PRKCB: variants seen among roughly 807,000 people sequenced by gnomAD.
The protein encoded by PRKCB is protein kinase C beta type.
Under a neutral mutation model 81.5 loss-of-function variants are expected in PRKCB, and 13 were observed. The observed-to-expected ratio is 0.16, with a 90% confidence interval of 0.10 to 0.25. The LOEUF is 0.25. PRKCB is among the 10% of genes least tolerant of loss of function. PRKCB has a pLI of 1.00. For missense variants in PRKCB, 509 were observed against 875.7 expected (o/e 0.58, Z 5.29); for synonymous variants, 335 against 321.4 (o/e 1.04, Z -0.45).
intron 5 of PRKCB, among the ~76,000 whole-genome samples, chr16:24,047,019 A>G (rs1213946037): frequency 1.3e-5 from 2 of 151,898 alleles, no homozygotes; most frequent in African/African-American, 2.4e-5. Context: ...AGCCTCAGCA[A>G]CACAGTGAGA....
At chr16:23,969,346 G>A (rs577570445) in intron 2 of PRKCB, among the ~76,000 whole-genome samples, 1 of 152,252 alleles carries the variant, frequency 6.6e-6, no homozygotes, top group East Asian at 1.9e-4. Flanking sequence ...TGATCTTTCT[G>A]TTACTATAGA....
At chr16:24,207,891 T>C (rs1968071553) in intron 16 of PRKCB, among the ~76,000 whole-genome samples, 1 of 152,134 alleles carries the variant, frequency 6.6e-6, no homozygotes, top group Non-Finnish European at 1.5e-5. Context: ...TGGAGTCACC[T>C]CCAAGAGTTC....
chr16:24,031,236 C>T lies in PRKCB; in HGVS notation c.289-900C>T, dbSNP rs534421489. Reference sequence around the variant, plus strand: ...GTAAGGTTCTGTGAGAAATAGCTCCCAAAATATAGTGACTTAAACAAGGCA... The same window carrying T: ...GTAAGGTTCTGTGAGAAATAGCTCCTAAAATATAGTGACTTAAACAAGGCA... On this transcript the variant is annotated intron_variant, in intron 3 of 16. Transcript: ENST00000643927. Among the ~76,000 whole-genome samples, 4 of 152,262 alleles carry T rather than the reference C, an allele frequency of 2.6e-5. No homozygotes were observed. The East Asian group carries it at 7.7e-4, about 29-fold the overall frequency.
intron 3 of PRKCB, among the ~76,000 whole-genome samples, chr16:24,020,198 G>T (rs1965340246): frequency 6.6e-6 from 1 of 152,132 alleles, no homozygotes; most frequent in Non-Finnish European, 1.5e-5. Context: ...ATTTTAAATT[G>T]TCTACTTCAT....
At position 23,992,061 on chromosome 16, in the gene PRKCB, C is replaced by T. The variant is rs139915204; in HGVS notation, c.288+3471C>T. Reference sequence around the variant, plus strand: ...CTATAAAAAAGACCCCAGAGATATCCGTCACCCCTTCTACCATGTGAGGTT... The same window carrying T: ...CTATAAAAAAGACCCCAGAGATATCTGTCACCCCTTCTACCATGTGAGGTT... On this transcript the variant is annotated intron_variant, in intron 3 of 16. Coordinates refer to ENST00000643927, the MANE Select transcript of PRKCB (RefSeq NM_002738.7). Among the ~76,000 whole-genome samples, 521 of 152,286 alleles carry T rather than the reference C, an allele frequency of 3.4e-3. 3 individuals carry two copies. Among genetic ancestry groups the T allele is most frequent in the African/African-American group, 0.012 (496 of 41,548 alleles).
chr16:24,147,925 G>A (rs1209032024), intron 9 of PRKCB, among the ~76,000 whole-genome samples: 2 of 152,154 alleles, frequency 1.3e-5, no homozygotes, highest in African/African-American at 4.8e-5. Flanking sequence ...CTGTCCCAAC[G>A]TTGCCCTTTT....
intron 2 of PRKCB, among the ~76,000 whole-genome samples, chr16:23,909,112 T>A (rs1189999413): frequency 1.3e-5 from 2 of 152,238 alleles, no homozygotes; most frequent in Admixed American, 1.3e-4. Flanking sequence ...CTGATATCAC[T>A]TGCTCTTTTC....
intron 5 of PRKCB, among the ~76,000 whole-genome samples, chr16:24,066,470 A>G (rs936195265): frequency 1.3e-5 from 2 of 152,226 alleles, no homozygotes; most frequent in African/African-American, 4.8e-5. Context: ...TTTTAGATGT[A>G]CAGAAAAGTT....
intron 5 of PRKCB, among the ~76,000 whole-genome samples, chr16:24,083,494 C>A (rs915485123): frequency 6.6e-6 from 1 of 152,126 alleles, no homozygotes; most frequent in African/African-American, 2.4e-5. Context: ...TACTACTCTG[C>A]AATAAAAAAG....
At chr16:23,902,047 A>G (rs1963482787) in intron 2 of PRKCB, among the ~76,000 whole-genome samples, 1 of 152,008 alleles carries the variant, frequency 6.6e-6, no homozygotes, top group Non-Finnish European at 1.5e-5. Flanking sequence ...GTCTGTTGGA[A>G]TTTTTACCCC....
intron 7 of PRKCB, among the ~76,000 whole-genome samples, chr16:24,107,218 A>C (rs1000928671): frequency 3.9e-5 from 6 of 152,226 alleles, no homozygotes; most frequent in Non-Finnish European, 8.8e-5. Flanking sequence ...ATCTCACTGC[A>C]AATATGAATT....
chr16:24,115,980 C>A (rs977210477), intron 8 of PRKCB, among the ~76,000 whole-genome samples: 3 of 150,508 alleles, frequency 2.0e-5, no homozygotes, highest in African/African-American at 7.5e-5. Context: ...CTGCCTCGGC[C>A]TCCCAAGTGC....
intron 2 of PRKCB, among the ~76,000 whole-genome samples, chr16:23,945,057 C>G (rs1964186489): frequency 6.6e-6 from 1 of 152,042 alleles, no homozygotes. Flanking sequence ...GATCAAGAAG[C>G]ATGAAGGTAT....
chr16:23,894,612 G>T (rs1457757150), intron 2 of PRKCB, among the ~76,000 whole-genome samples: 1 of 152,214 alleles, frequency 6.6e-6, no homozygotes, highest in African/African-American at 2.4e-5. Context: ...TGTGTGCACA[G>T]GTGACACCAT....
At chr16:24,002,521 G>A (rs1965051695) in intron 3 of PRKCB, among the ~76,000 whole-genome samples, 1 of 151,946 alleles carries the variant, frequency 6.6e-6, no homozygotes, top group Admixed American at 6.6e-5. Context: ...TGTATTTTTT[G>A]TAGAGACGGG....
At chr16:23,882,827 A>G (rs1963145055) in intron 2 of PRKCB, among the ~76,000 whole-genome samples, 1 of 150,284 alleles carries the variant, frequency 6.7e-6, no homozygotes, top group Admixed American at 6.7e-5. Context: ...GGCCCAAGCA[A>G]TCCTCCTACC....
rs541379936 is a variant in PRKCB at position 23,928,804 on chromosome 16, C to T, written c.206-59704C>T. ...CATGATCTCGGCTCACTGCAACCTC[C>T]GCCTCCCAGGTTCAAGCGATTCTCC... On this transcript the variant is annotated intron_variant, in intron 2 of 16. Transcript: ENST00000643927. Among the ~76,000 whole-genome samples, 18 of 151,830 alleles carry T rather than the reference C, an allele frequency of 1.2e-4. 1 individual carries two copies. The South Asian group carries it at 1.5e-3, about 12-fold the overall frequency.
chr16:23,892,928 A>G (rs1963317631), intron 2 of PRKCB: 2 of 147,536 alleles, frequency 1.4e-5, no homozygotes, highest in African/African-American at 2.5e-5. Flanking sequence ...TAACCTGGGG[A>G]TGGATCAATC....
rs1175804997 is a variant in PRKCB, at chr16:23,873,032, A to AT, written c.205+35627dup. ...GACTCTACTAAAAATAAAATAAAAA[A>AT]TAAAAAAAAAATTAGCTGGGTGTGG... is the stretch of plus-strand genomic sequence containing the variant. On this transcript the variant is annotated intron_variant, in intron 2 of 16. Transcript: ENST00000643927. 4.3e-4 allele frequency among the ~76,000 whole-genome samples: 64 copies of AT among 149,842 alleles called. 1 individual carries two copies. Among genetic ancestry groups the AT allele is most frequent in the African/African-American group, 1.5e-3 (60 of 40,832 alleles).
Sources: allele counts gnomAD v4.1 joint callset (sites outside exome capture counted in the v4.1 genomes callset), GRCh38; gene constraint gnomAD v4.1.1; transcripts MANE v1.5; gene names NCBI Gene and HGNC (gene_info 2026-07-23, HGNC 2026-07-21).